PTPRD: variants seen among roughly 807,000 people sequenced by gnomAD.
PTPRD encodes receptor-type tyrosine-protein phosphatase delta.
In PTPRD, 34 loss-of-function variants were observed where a neutral mutation model predicts 214.5. That is an observed-to-expected ratio of 0.16 (90% CI 0.12 to 0.21). The LOEUF is 0.21. Ranked by LOEUF, PTPRD falls within the 10% of genes least tolerant of loss-of-function variation. The probability of loss-of-function intolerance (pLI) is 1.00; values close to 1 mark genes in which losing one functional copy is unlikely to be tolerated. For missense variants in PTPRD, 2,545 were observed against 2,398.7 expected (o/e 1.06, Z -1.27); for synonymous variants, 1,128 against 845.7 (o/e 1.33, Z -5.79).
rs532214440 is a variant in PTPRD at position 10,125,302 on chromosome 9, G to A, written c.-544-91512C>T. Among the ~76,000 whole-genome samples, 402 of 151,810 alleles carry A rather than the reference G, an allele frequency of 2.6e-3. 1 individual carries two copies. The highest frequency in any genetic ancestry group is 4.1e-3 in the Non-Finnish European group (276 of 67,926). ...ATACTCCCTTCTACTTACATGTTGT[G>A]CTATTTAAAGTGGTTGTGAGGAAGA... On this transcript the variant is annotated intron_variant, in intron 3 of 45. Coordinates refer to ENST00000381196, the MANE Select transcript of PTPRD (RefSeq NM_002839.4).
Position 9,349,757 on chromosome 9 carries a change from GT to G in PTPRD, c.-203+47691del, listed in dbSNP as rs60320413. Among the ~76,000 whole-genome samples the G allele has an allele frequency of 6.5e-3, 962 of 147,252 alleles. 7 individuals are homozygous for G. Among genetic ancestry groups the G allele is most frequent in the African/African-American group, 0.021 (836 of 40,470 alleles). On this transcript the variant is annotated intron_variant, in intron 9 of 45. Coordinates refer to ENST00000381196, the MANE Select transcript of PTPRD (RefSeq NM_002839.4). ...ACCACTTAAGTGGCACCCATCACAT[GT>G]TTTTTTTTTGTGCTATAAATAATTG... is the stretch of plus-strand genomic sequence containing the variant.
intron 10 of PTPRD, among the ~76,000 whole-genome samples, chr9:9,022,347 T>C (rs2099572803): frequency 6.6e-6 from 1 of 152,150 alleles, no homozygotes; most frequent in Non-Finnish European, 1.5e-5. Context: ...CAACTTCCAG[T>C]CCTGAAAGCT....
chr9:8,526,089 A>G lies in PTPRD; in HGVS notation c.568+538T>C, dbSNP rs538318173. Among the ~76,000 whole-genome samples, 3 of 152,254 alleles carry G rather than the reference A, an allele frequency of 2.0e-5. No homozygotes were observed. In the South Asian group the frequency reaches 6.2e-4, roughly 31 times the overall value. The stretch of plus-strand genomic sequence containing the variant: ...AAGACATTAAGAGAAAAAAGAATTG[A>G]AGAACAAAAGCAAAAACCTTTTGAA... On this transcript the variant is annotated intron_variant, in intron 17 of 45. Transcript: ENST00000381196.
chr9:8,787,707 G>C (rs1047273526), intron 11 of PTPRD, among the ~76,000 whole-genome samples: 1 of 152,024 alleles, frequency 6.6e-6, no homozygotes, highest in Admixed American at 6.6e-5. Context: ...AGATGGGACA[G>C]GACAGGAAGA....
At chr9:9,930,318 A>C (rs926814788) in intron 5 of PTPRD, among the ~76,000 whole-genome samples, 2 of 152,244 alleles carry the variant, frequency 1.3e-5, no homozygotes, top group African/African-American at 4.8e-5. Flanking sequence ...AATAGAACAC[A>C]CACAGAGAAT....
intron 9 of PTPRD, among the ~76,000 whole-genome samples, chr9:9,333,025 G>A (rs1241754760): frequency 2.0e-5 from 3 of 151,906 alleles, no homozygotes; most frequent in Admixed American, 1.3e-4. Context: ...ACACTGAATC[G>A]GTGGAACACA....
At chr9:8,831,994 G>C (rs960854696) in intron 11 of PTPRD, among the ~76,000 whole-genome samples, 2 of 151,918 alleles carry the variant, frequency 1.3e-5, no homozygotes, top group Non-Finnish European at 2.9e-5. Context: ...AAAATTATTT[G>C]AACAGCATGA....
chr9:8,326,130 G>T (rs1280935298), intron 44 of PTPRD, among the ~76,000 whole-genome samples: 1 of 152,196 alleles, frequency 6.6e-6, no homozygotes, highest in African/African-American at 2.4e-5. Context: ...GTGAGAGAGG[G>T]CATCCCTCTC....
intron 3 of PTPRD, among the ~76,000 whole-genome samples, chr9:10,327,302 T>C (rs760433059): frequency 9.3e-5 from 14 of 151,206 alleles, no homozygotes; most frequent in Non-Finnish European, 1.8e-4. Context: ...ATACTTACTC[T>C]CATGGCAGTT....
intron 3 of PTPRD, among the ~76,000 whole-genome samples, chr9:10,159,050 T>TGAA (rs2099111343): frequency 1.3e-5 from 2 of 152,126 alleles, no homozygotes; most frequent in Non-Finnish European, 2.9e-5. Flanking sequence ...GGAAGCCTTC[T>TGAA]CACACTAATT....
intron 10 of PTPRD, among the ~76,000 whole-genome samples, chr9:9,098,937 G>T (rs10977492): frequency 0.14 from 21,019 of 152,082 alleles, 1,706 homozygotes; most frequent in East Asian, 0.23. Context: ...AATGAATACA[G>T]ACATTGTGGT....
chr9:9,000,971 G>T (rs1283418267), intron 11 of PTPRD, among the ~76,000 whole-genome samples: 1 of 151,896 alleles, frequency 6.6e-6, no homozygotes, highest in Non-Finnish European at 1.5e-5. Flanking sequence ...CTACAGCAAA[G>T]CACGCACAGC....
intron 9 of PTPRD, among the ~76,000 whole-genome samples, chr9:9,373,330 G>A (rs143621288): frequency 1.3e-5 from 2 of 152,170 alleles, no homozygotes; most frequent in African/African-American, 4.8e-5. Flanking sequence ...TATATGCAAA[G>A]AAGAGTACCT....
At position 8,733,896 on chromosome 9, in the gene PTPRD, G is replaced by A; in HGVS notation, c.-53C>T. On this transcript the variant is annotated 5_prime_UTR_variant, in exon 12 of 46. Transcript: ENST00000381196. ...GCAGCTTGGAATCACTGCCTCCGGA[G>A]CCGCAGCGAGTCTGTCCGATCTGAA... 2 of 1,520,246 alleles carry A rather than the reference G, an allele frequency of 1.3e-6. No individual in the cohort carries two copies. Among genetic ancestry groups the A allele is most frequent in the Non-Finnish European group, 1.8e-6 (2 of 1,123,694 alleles). 94.2% of individuals were successfully genotyped at this position (1,520,246 alleles called of 1,614,324 possible).
chr9:9,848,274 A>G (rs987235935), intron 5 of PTPRD, among the ~76,000 whole-genome samples: 1 of 152,124 alleles, frequency 6.6e-6, no homozygotes, highest in Non-Finnish European at 1.5e-5. Context: ...ATTTATATCA[A>G]CACATGTCCC....
At chr9:9,784,770 T>A (rs765493435) in intron 5 of PTPRD, among the ~76,000 whole-genome samples, 4 of 151,360 alleles carry the variant, frequency 2.6e-5, no homozygotes, top group Non-Finnish European at 5.9e-5. Context: ...TTTATGTGTG[T>A]GTGTATATAT....
chr9:10,387,779 A>AT (rs1409104994), intron 2 of PTPRD, among the ~76,000 whole-genome samples: 1 of 139,990 alleles, frequency 7.1e-6, no homozygotes, highest in Non-Finnish European at 1.5e-5. Flanking sequence ...GTCATTACTG[A>AT]TACCTGTTGA....
chr9:10,037,353 G>A (rs1490068393), intron 3 of PTPRD, among the ~76,000 whole-genome samples: 1 of 151,988 alleles, frequency 6.6e-6, no homozygotes, highest in African/African-American at 2.4e-5. Context: ...GTTGCAGCAG[G>A]AGTGAGTAAC....
chr9:9,676,898 G>C (rs2096942655), intron 7 of PTPRD, among the ~76,000 whole-genome samples: 1 of 152,084 alleles, frequency 6.6e-6, no homozygotes, highest in Admixed American at 6.6e-5. Context: ...ATTTTTTCAT[G>C]TGTTTTTTGG....
Sources: allele counts gnomAD v4.1 joint callset (sites outside exome capture counted in the v4.1 genomes callset), GRCh38; gene constraint gnomAD v4.1.1; transcripts MANE v1.5; gene names NCBI Gene and HGNC (gene_info 2026-07-23, HGNC 2026-07-21).